The following HERC4 variants were observed in gnomAD, a reference collection of about 807,000 sequenced individuals.
HERC4 encodes the protein HECT and RLD domain containing E3 ubiquitin protein ligase 4.
A neutral mutation model predicts 124.3 loss-of-function variants in HERC4; 28 were observed. The observed-to-expected ratio is 0.23, with a 90% CI of 0.17 to 0.31. The LOEUF (loss-of-function observed/expected upper bound fraction) is 0.31, where lower values mean the gene tolerates loss of function less well. HERC4 is among the 10% of genes least tolerant of loss of function. HERC4 has a pLI of 1.00. For synonymous variants in HERC4, 407 were observed against 421.5 expected, an observed-to-expected ratio of 0.97 and a Z score of 0.42; for missense variants, 713 against 1,229.3, an observed-to-expected ratio of 0.58 and a Z score of 6.28.
chr10:67,948,900 G>T (rs1157417345), intron 19 of HERC4, among the ~76,000 whole-genome samples: 1 of 151,560 alleles, frequency 6.6e-6, no homozygotes, highest in East Asian at 1.9e-4. Context: ...CAGCCTGGGT[G>T]ACAGAGCAAG....
Position 67,963,066 on chromosome 10 carries a change from T to C in HERC4, c.1926+3617A>G, listed in dbSNP as rs1468228186. On this transcript the variant is annotated intron_variant, in intron 16 of 24. Transcript: ENST00000373700. Reference sequence around the variant, plus strand: ...TAATTTTCCCAAGGACAGAACTGAATATATGCTGAGGTGGGATTTGAATCC... The same window carrying C: ...TAATTTTCCCAAGGACAGAACTGAACATATGCTGAGGTGGGATTTGAATCC... Among the ~76,000 whole-genome samples, 4 of 152,322 alleles carry C rather than the reference T, an allele frequency of 2.6e-5. No individual in the cohort carries two copies. In the East Asian group the frequency reaches 5.8e-4, roughly 22 times the overall value.
intron 3 of HERC4, among the ~76,000 whole-genome samples, chr10:68,063,516 C>T (rs887233687): frequency 6.6e-6 from 1 of 152,076 alleles, no homozygotes; most frequent in African/African-American, 2.4e-5. Flanking sequence ...CCTTGTCATA[C>T]ATTTTAAAAA....
intron 13 of HERC4, 26 bp from the exon 14 acceptor site, chr10:67,990,426 T>C (rs1464468164): frequency 1.7e-6 from 2 of 1,184,704 alleles, no homozygotes; most frequent in Non-Finnish European, 2.2e-6. Context: ...AAGTAAAACC[T>C]ACTTCATTTA....
chr10:67,998,025 A>T (rs1212787922), intron 9 of HERC4, among the ~76,000 whole-genome samples: 1 of 151,884 alleles, frequency 6.6e-6, no homozygotes, highest in Non-Finnish European at 1.5e-5. Context: ...CAGCCTCTGG[A>T]GTAGCTGGGA....
At chr10:67,927,408 ATATATATATATATATATATATATTTTTT>A (rs1280764502) in intron 23 of HERC4, among the ~76,000 whole-genome samples, 40 of 9,478 alleles carry the variant, frequency 4.2e-3, no homozygotes, top group African/African-American at 0.011. Context: ...ATATATATAT[ATATATATATATATATATATATATTTTTT>A]TTTTTTTTTA....
At chr10:67,996,122 A>G (rs1429314813) in intron 9 of HERC4, 1 of 449,602 alleles carries the variant, frequency 2.2e-6, no homozygotes, top group Non-Finnish European at 4.5e-6. Context: ...CCTGGACAAC[A>G]TGGCAAGACC....
chr10:68,017,845 A>G (rs2038362439), intron 8 of HERC4, among the ~76,000 whole-genome samples: 2 of 152,234 alleles, frequency 1.3e-5, no homozygotes, highest in Admixed American at 6.5e-5. Flanking sequence ...AAAAATTAAC[A>G]TTCACATAAC....
At chr10:67,956,856 A>C (rs779289359) in intron 17 of HERC4, 22 bp downstream of exon 17, 31 of 1,411,186 alleles carry the variant, frequency 2.2e-5, no homozygotes, top group East Asian at 6.9e-5. Context: ...AAAAAAAAAA[A>C]CCCTCTCAAA....
At chr10:67,946,348 A>ACAC (rs2033336087) in intron 19 of HERC4, among the ~76,000 whole-genome samples, 3 of 128,474 alleles carry the variant, frequency 2.3e-5, no homozygotes, top group African/African-American at 2.9e-5. Flanking sequence ...ATAAAACACA[A>ACAC]ACACACACAC....
At chr10:67,971,071 A>G (rs1162373194) in intron 15 of HERC4, among the ~76,000 whole-genome samples, 1 of 152,138 alleles carries the variant, frequency 6.6e-6, no homozygotes, top group African/African-American at 2.4e-5. Context: ...GATTACATAG[A>G]TATCTTGGTA....
At chr10:67,990,793 C>G in intron 13 of HERC4, 111 bp downstream of exon 13, 1 of 569,968 alleles carries the variant, frequency 1.8e-6, no homozygotes, top group Non-Finnish European at 3.0e-6. Flanking sequence ...ATTTTAAAAG[C>G]ACATCGTAAG....
chr10:67,996,199 G>C, intron 9 of HERC4: 1 of 424,970 alleles, frequency 2.4e-6, no homozygotes, highest in South Asian at 1.7e-5. Flanking sequence ...CTGAGCCCAA[G>C]AGGTCGAGGG....
Position 67,992,333 on chromosome 10 carries a change from CAA to C in HERC4, c.1147-12_1147-11del. 6.2e-7 allele frequency: 1 copy of C among 1,612,496 alleles called. No homozygotes were observed. Among genetic ancestry groups the C allele is most frequent in the East Asian group, 2.2e-5 (1 of 44,828 alleles). On this transcript the variant is annotated splice_polypyrimidine_tract_variant and intron_variant, in intron 10 of 24. Transcript: ENST00000373700. The stretch of plus-strand genomic sequence containing the variant: ...CTGGTGGCCCACAGTTCTAAATTTT[CAA>C]ATAAGATTAGTCAGAGGGAAGAGAT...
chr10:68,043,810 T>C (rs991622325), intron 4 of HERC4, among the ~76,000 whole-genome samples: 31 of 152,162 alleles, frequency 2.0e-4, no homozygotes, highest in African/African-American at 7.0e-4. Context: ...TGCGAGACTC[T>C]GTCTCAAAAA....
intron 15 of HERC4, among the ~76,000 whole-genome samples, chr10:67,987,142 A>G (rs1055068005): frequency 6.6e-6 from 1 of 152,224 alleles, no homozygotes; most frequent in Non-Finnish European, 1.5e-5. Flanking sequence ...GAGTCCATCA[A>G]AAAGGTCTTT....
At chr10:67,956,136 T>C (rs916148755) in intron 17 of HERC4, 4 of 152,222 alleles carry the variant, frequency 2.6e-5, no homozygotes, top group Non-Finnish European at 4.4e-5. Context: ...TTTTAGACTA[T>C]TAAATATTCA....
chr10:68,007,852 A>C (rs1256037073), intron 9 of HERC4: 1 of 153,018 alleles, frequency 6.5e-6, no homozygotes, highest in Non-Finnish European at 1.5e-5. Context: ...TCCTTAGGCA[A>C]CCTGGTGGCC....
intron 19 of HERC4, among the ~76,000 whole-genome samples, chr10:67,941,691 T>G (rs2032912792): frequency 3.5e-5 from 5 of 142,540 alleles, no homozygotes; most frequent in Admixed American, 3.5e-4. Flanking sequence ...TTTTTTTTTT[T>G]TTTTTGAGAT....
intron 3 of HERC4, chr10:68,069,488 TTC>T: frequency 2.0e-6 from 2 of 985,450 alleles, no homozygotes; most frequent in South Asian, 9.4e-5. Flanking sequence ...AGTTAAATCT[TTC>T]TGTGTGGTCC....
Sources: gnomAD v4.1 joint callset for allele counts (sites outside exome capture counted in the v4.1 genomes callset) on GRCh38, gnomAD v4.1.1 for gene constraint, MANE v1.5 for transcripts, NCBI Gene and HGNC (gene_info 2026-07-23, HGNC 2026-07-21) for gene names.